Variants in ZNF366 observed in about 807,000 individuals in gnomAD.
The protein encoded by ZNF366 is zinc finger protein 366, also known as dendritic cell-specific transcript protein.
ZNF366 carries 20 observed loss-of-function variants against 47.2 expected under a neutral mutation model. That is an observed-to-expected ratio of 0.42 (90% CI 0.30 to 0.62). ZNF366 has a LOEUF of 0.62. Among genes scored for constraint, ZNF366 ranks in the 20% least tolerant of loss-of-function variants. ZNF366 has a pLI of 0.16. For synonymous variants in ZNF366, 421 were observed against 395.1 expected (o/e 1.07, Z -0.78); for missense variants, 987 against 976.3 (o/e 1.01, Z -0.15).
At chr5:72,466,309 G>T (rs1423698871) in intron 1 of ZNF366, among the ~76,000 whole-genome samples, 1 of 152,220 alleles carries the variant, frequency 6.6e-6, no homozygotes, top group African/African-American at 2.4e-5. Context: ...CTATTACGGA[G>T]ATGTTTTCAA....
In ZNF366 at chr5:72,502,680, G is replaced by A. The variant is rs79714289; in HGVS notation, c.-15+4571C>T. 9.3e-3 allele frequency among the ~76,000 whole-genome samples: 1,419 copies of A among 152,166 alleles called. 18 individuals are homozygous for A. The highest frequency in any genetic ancestry group is 0.051 in the Middle Eastern group (15 of 294). On this transcript the variant is annotated intron_variant, in intron 1 of 4. Coordinates refer to ENST00000318442, the MANE Select transcript of ZNF366 (RefSeq NM_152625.3). ...GTAAAATAGGCTCATCACAGCACACGTTGTAAAAAAATAAGAAACAAAACC... is the reference window on the plus strand; with the variant it reads ...GTAAAATAGGCTCATCACAGCACACATTGTAAAAAAATAAGAAACAAAACC...
intron 1 of ZNF366, among the ~76,000 whole-genome samples, chr5:72,467,181 GGTCCCT>G: frequency 6.6e-6 from 1 of 152,304 alleles, no homozygotes; most frequent in East Asian, 1.9e-4. Flanking sequence ...ATTTTTCTAA[GGTCCCT>G]GGCTTTCTAC....
chr5:72,495,374 C>T lies in ZNF366; in HGVS notation c.-15+11877G>A, dbSNP rs111481871. On this transcript the variant is annotated intron_variant, in intron 1 of 4. Coordinates refer to ENST00000318442, the MANE Select transcript of ZNF366 (RefSeq NM_152625.3). ...ATACCTGTCATACAGATGAAGAAAC[C>T]GCACAGGTGAACTCCCCATGGTCAT... is the stretch of plus-strand genomic sequence containing the variant. Among the ~76,000 whole-genome samples the T allele has an allele frequency of 2.6e-5, 4 of 152,178 alleles. 1 individual carries two copies. Among genetic ancestry groups the T allele is most frequent in the African/African-American group, 9.6e-5 (4 of 41,506 alleles).
chr5:72,488,179 G>A (rs758885055), intron 1 of ZNF366, among the ~76,000 whole-genome samples: 3 of 151,208 alleles, frequency 2.0e-5, no homozygotes, highest in African/African-American at 4.9e-5. Context: ...TTGCACTCCA[G>A]CCTGGGTAAC....
chr5:72,466,138 G>A (rs531935849), intron 1 of ZNF366, among the ~76,000 whole-genome samples: 5 of 152,258 alleles, frequency 3.3e-5, no homozygotes, highest in South Asian at 2.1e-4. Flanking sequence ...AGTTAACCAC[G>A]ACTTTACCCA....
Position 72,443,292 on chromosome 5 carries a change from G to A in ZNF366, c.*464C>T, listed in dbSNP as rs1008264244. 4 of 153,516 alleles carry A rather than the reference G, an allele frequency of 2.6e-5. No homozygotes were observed. Among genetic ancestry groups the A allele is most frequent in the African/African-American group, 9.7e-5 (4 of 41,420 alleles). 9.5% of individuals were successfully genotyped at this position (153,516 alleles called of 1,614,324 possible). A position where few individuals can be genotyped will look rare whatever the true frequency, so the allele number is the denominator to read the frequency against. ...CTGACATTTTTGGTTATAGAATAAA[G>A]GCTATTTTTATATATATGACGACTA... On this transcript the variant is annotated 3_prime_UTR_variant, in exon 5 of 5. Transcript: ENST00000318442.
At chr5:72,454,884 G>C (rs758467934) in intron 3 of ZNF366, among the ~76,000 whole-genome samples, 1 of 152,196 alleles carries the variant, frequency 6.6e-6, no homozygotes, top group African/African-American at 2.4e-5. Flanking sequence ...GGAGTCCATC[G>C]CTGCATGCAG....
At chr5:72,475,160 C>T (rs1171129818) in intron 1 of ZNF366, among the ~76,000 whole-genome samples, 2 of 152,168 alleles carry the variant, frequency 1.3e-5, no homozygotes, top group African/African-American at 4.8e-5. Context: ...CTCTGACATG[C>T]AGGAGCTTAT....
intron 1 of ZNF366, among the ~76,000 whole-genome samples, chr5:72,504,096 C>T (rs369084620): frequency 2.6e-5 from 4 of 151,900 alleles, no homozygotes; most frequent in Non-Finnish European, 4.4e-5. Context: ...CGCGCACACA[C>T]GCGTGCATGC....
chr5:72,491,560 G>T (rs899775526), intron 1 of ZNF366, among the ~76,000 whole-genome samples: 4 of 152,152 alleles, frequency 2.6e-5, no homozygotes, highest in Non-Finnish European at 4.4e-5. Context: ...GTTTCCTCCT[G>T]TGGAAAATGG....
chr5:72,466,100 C>A (rs1743422712), intron 1 of ZNF366, among the ~76,000 whole-genome samples: 1 of 152,182 alleles, frequency 6.6e-6, no homozygotes, highest in Non-Finnish European at 1.5e-5. Flanking sequence ...TTGATCATGA[C>A]TCATGGCATC....
intron 1 of ZNF366, among the ~76,000 whole-genome samples, chr5:72,487,799 A>T (rs1481148345): frequency 6.6e-6 from 1 of 152,192 alleles, no homozygotes; most frequent in African/African-American, 2.4e-5. Flanking sequence ...ATTTTGCAAA[A>T]TGCAAAATAC....
At chr5:72,468,236 C>G (rs1418583745) in intron 1 of ZNF366, among the ~76,000 whole-genome samples, 1 of 152,160 alleles carries the variant, frequency 6.6e-6, no homozygotes, top group Non-Finnish European at 1.5e-5. Context: ...AATGTTCTGC[C>G]TCGTCACTCT....
At chr5:72,473,566 C>T (rs535573506) in intron 1 of ZNF366, among the ~76,000 whole-genome samples, 2 of 152,314 alleles carry the variant, frequency 1.3e-5, no homozygotes, top group South Asian at 4.1e-4. Context: ...ATTCCTTCCT[C>T]GTTGCCTTTG....
chr5:72,475,671 T>C (rs1303357365), intron 1 of ZNF366, among the ~76,000 whole-genome samples: 1 of 152,216 alleles, frequency 6.6e-6, no homozygotes, highest in Non-Finnish European at 1.5e-5. Context: ...TAGGATATCA[T>C]GTTGGAGTGA....
Position 72,461,050 on chromosome 5 carries a change from G to C in ZNF366, c.447C>G (p.Pro149=), listed in dbSNP as rs943812342. The C allele has an allele frequency of 1.9e-6, 3 of 1,614,114 alleles. No individual in the cohort carries two copies. The highest frequency in any genetic ancestry group is 1.3e-5 in the African/African-American group (1 of 75,020). The part of the protein sequence containing the change: ...YRSLEHFGGK[P]VKQEPIKPSA... Reference sequence around the variant, plus strand: ...TGGGCTTAATGGGTTCCTGCTTGACGGGCTTGCCCCCAAAGTGTTCCAGGC... The same window carrying C: ...TGGGCTTAATGGGTTCCTGCTTGACCGGCTTGCCCCCAAAGTGTTCCAGGC... Residue 149 remains proline (P), a synonymous_variant, in exon 2 of 5, where the codon CCC becomes CCG. Transcript: ENST00000318442.
In ZNF366 at chr5:72,447,358, T is replaced by C. The variant is rs1742979991; in HGVS notation, c.1584A>G (p.Ser528=). 2 of 1,614,220 alleles carry C rather than the reference T, an allele frequency of 1.2e-6. No homozygotes were observed. The highest frequency in any genetic ancestry group is 1.7e-6 in the Non-Finnish European group (2 of 1,180,036). Residue 528 remains serine (S), a synonymous_variant, in exon 4 of 5, where the codon TCA becomes TCG. Transcript: ENST00000318442. ...HNLMGHMHLH[S]DSKPFKCLYC... is the part of the protein sequence containing the mutation. ...AGAGGCACTTGAAGGGTTTGCTGTC[T>C]GAGTGCAGGTGCATGTGGCCCATCA...
intron 1 of ZNF366, among the ~76,000 whole-genome samples, chr5:72,493,148 A>G (rs1348710510): frequency 1.3e-5 from 2 of 152,230 alleles, no homozygotes; most frequent in Non-Finnish European, 2.9e-5. Flanking sequence ...TCACATTTTC[A>G]TTTACTCACT....
intron 1 of ZNF366, among the ~76,000 whole-genome samples, chr5:72,495,109 T>G (rs1434616531): frequency 1.3e-5 from 2 of 152,060 alleles, no homozygotes; most frequent in Non-Finnish European, 2.9e-5. Context: ...CCTCTCCCTT[T>G]GGGTTGTTGC....
Sources: allele counts gnomAD v4.1 joint callset (sites outside exome capture counted in the v4.1 genomes callset), GRCh38; gene constraint gnomAD v4.1.1; transcripts MANE v1.5; gene names NCBI Gene and HGNC (gene_info 2026-07-23, HGNC 2026-07-21).